CACNA2D3: variants seen among roughly 807,000 people sequenced by gnomAD.
CACNA2D3 encodes the protein voltage-dependent calcium channel subunit alpha-2/delta-3.
A neutral mutation model predicts 160.6 loss-of-function variants in CACNA2D3; 60 were observed. The ratio of observed to expected loss-of-function variants is 0.37; its 90% CI spans 0.30 to 0.46. CACNA2D3 has a LOEUF of 0.46. Ranked by LOEUF, CACNA2D3 falls within the 20% of genes least tolerant of loss-of-function variation. The probability of loss-of-function intolerance (pLI) is 1.00; values close to 1 mark genes in which losing one functional copy is unlikely to be tolerated. For synonymous variants in CACNA2D3, 558 were observed against 492.9 expected, an observed-to-expected ratio of 1.13 and a Z score of -1.75; for missense variants, 1,205 against 1,365.0, an observed-to-expected ratio of 0.88 and a Z score of 1.85.
At chr3:54,765,034 G>T (rs201767536) in intron 13 of CACNA2D3, among the ~76,000 whole-genome samples, 5 of 55,458 alleles carry the variant, frequency 9.0e-5, no homozygotes, top group Non-Finnish European at 2.3e-4. Context: ...TGGGAGTGGT[G>T]TTTTTCATTT....
chr3:54,240,482 T>C lies in CACNA2D3; in HGVS notation c.205-79960T>C, dbSNP rs147155810. The stretch of plus-strand genomic sequence containing the variant: ...ACAGAAGTTGCAGGATGATTTTCTT[T>C]GTGAGAGGCACCTACTCGGAATGCT... On this transcript the variant is annotated intron_variant, in intron 2 of 37. Transcript: ENST00000474759. Among the ~76,000 whole-genome samples the C allele has an allele frequency of 3.7e-3, 560 of 152,264 alleles. 7 individuals carry two copies. The highest frequency in any genetic ancestry group is 0.013 in the African/African-American group (534 of 41,570).
intron 4 of CACNA2D3, among the ~76,000 whole-genome samples, chr3:54,459,973 G>A (rs1700469163): frequency 6.6e-6 from 1 of 152,156 alleles, no homozygotes; most frequent in African/African-American, 2.4e-5. Context: ...AAGGGATCCA[G>A]TTTCAGCTTT....
chr3:54,809,285 CTCTT>C (rs138470217), intron 13 of CACNA2D3, among the ~76,000 whole-genome samples: 1,357 of 133,792 alleles, frequency 0.01, 27 homozygotes, highest in Non-Finnish European at 0.015. Context: ...TCTTTCTTCT[CTCTT>C]TCTTTCCTTC....
chr3:54,477,961 A>G (rs1040872842), intron 4 of CACNA2D3, among the ~76,000 whole-genome samples: 1 of 152,088 alleles, frequency 6.6e-6, no homozygotes, highest in Non-Finnish European at 1.5e-5. Flanking sequence ...CCCTCTGACA[A>G]CCTCAGGAGG....
chr3:54,421,273 T>G (rs773240693), intron 4 of CACNA2D3, among the ~76,000 whole-genome samples: 75 of 152,210 alleles, frequency 4.9e-4, no homozygotes, highest in Non-Finnish European at 9.3e-4. Context: ...CTTTGTTTGT[T>G]TATTGTTTTC....
intron 27 of CACNA2D3, among the ~76,000 whole-genome samples, chr3:54,953,910 G>T (rs1353095891): frequency 1.3e-5 from 2 of 152,290 alleles, no homozygotes; most frequent in Non-Finnish European, 1.5e-5. Flanking sequence ...ACCCCGTTTT[G>T]CTAAGTGCTC....
intron 35 of CACNA2D3, among the ~76,000 whole-genome samples, chr3:55,069,196 A>G (rs7622533): frequency 0.11 from 17,361 of 152,066 alleles, 1,782 homozygotes; most frequent in East Asian, 0.28. Context: ...TCCCTTTTTT[A>G]TAAAACCCAA....
At chr3:54,834,880 G>A (rs1480886252) in intron 14 of CACNA2D3, among the ~76,000 whole-genome samples, 1 of 152,214 alleles carries the variant, frequency 6.6e-6, no homozygotes, top group Non-Finnish European at 1.5e-5. Context: ...TTTGAAGACA[G>A]TCTACAGGCA....
At chr3:54,574,096 G>A (rs75408293) in intron 8 of CACNA2D3, among the ~76,000 whole-genome samples, 1 of 152,160 alleles carries the variant, frequency 6.6e-6, no homozygotes, top group Admixed American at 6.5e-5. Context: ...ATTTACGAAA[G>A]AGGACATTAT....
intron 5 of CACNA2D3, among the ~76,000 whole-genome samples, chr3:54,535,769 A>T (rs1201382019): frequency 6.6e-6 from 1 of 152,246 alleles, no homozygotes; most frequent in Non-Finnish European, 1.5e-5. Flanking sequence ...TGGAGTTCAC[A>T]TCAGGACATA....
chr3:54,678,720 C>CAAAAAAAAAA (rs71096434), intron 11 of CACNA2D3, among the ~76,000 whole-genome samples: 1,329 of 45,914 alleles, frequency 0.029, 359 homozygotes, highest in Middle Eastern at 0.053. Context: ...GACTCGGTCT[C>CAAAAAAAAAA]AAAAAAAAAA....
At chr3:54,470,316 A>G (rs1406656840) in intron 4 of CACNA2D3, among the ~76,000 whole-genome samples, 8 of 152,256 alleles carry the variant, frequency 5.3e-5, no homozygotes, top group Non-Finnish European at 5.9e-5. Context: ...CCAGAATTTC[A>G]TATCCAGCCA....
At position 54,122,947 on chromosome 3, in the gene CACNA2D3, G is replaced by C. The variant is rs1473283275; in HGVS notation, c.122+112G>C. The stretch of plus-strand genomic sequence containing the variant: ...CTGGGCAGGACCCGCCGCGGGCGTC[G>C]GCCTCGCCGCTCGCACCTGCCTTTC... On this transcript the variant is annotated intron_variant, in intron 1 of 37. Coordinates refer to ENST00000474759, the MANE Select transcript of CACNA2D3 (RefSeq NM_018398.3). 3 of 1,035,604 alleles carry C rather than the reference G, an allele frequency of 2.9e-6. No individual in the cohort carries two copies. In the African/African-American group the frequency reaches 5.0e-5, roughly 17 times the overall value. 64.2% of individuals were successfully genotyped at this position (1,035,604 alleles called of 1,614,324 possible).
chr3:54,990,082 A>G (rs566969854), intron 31 of CACNA2D3, among the ~76,000 whole-genome samples: 1 of 152,322 alleles, frequency 6.6e-6, no homozygotes, highest in African/African-American at 2.4e-5. Context: ...ACCCTCAAAC[A>G]TGGGTTACAT....
chr3:54,329,431 G>C (rs1008748537), intron 3 of CACNA2D3, among the ~76,000 whole-genome samples: 2 of 152,132 alleles, frequency 1.3e-5, no homozygotes, highest in African/African-American at 2.4e-5. Context: ...CCTGATAAAG[G>C]GGAAAAGAAA....
intron 2 of CACNA2D3, among the ~76,000 whole-genome samples, chr3:54,319,157 G>GACAC (rs58790730): frequency 0.098 from 13,579 of 138,798 alleles, 758 homozygotes; most frequent in Middle Eastern, 0.16. Context: ...AGCATTTTGT[G>GACAC]ACACACACAC....
At chr3:54,509,807 A>G (rs547307988) in intron 5 of CACNA2D3, among the ~76,000 whole-genome samples, 1 of 152,370 alleles carries the variant, frequency 6.6e-6, no homozygotes, top group South Asian at 2.1e-4. Flanking sequence ...ATTATATTTT[A>G]TATGGCAAAA....
chr3:54,162,635 G>A (rs1446025805), intron 2 of CACNA2D3, among the ~76,000 whole-genome samples: 1 of 152,128 alleles, frequency 6.6e-6, no homozygotes, highest in African/African-American at 2.4e-5. Flanking sequence ...AAACTAACAT[G>A]TAGAATGGGA....
At chr3:54,302,416 G>T (rs1703497961) in intron 2 of CACNA2D3, among the ~76,000 whole-genome samples, 1 of 152,172 alleles carries the variant, frequency 6.6e-6, no homozygotes, top group East Asian at 1.9e-4. Flanking sequence ...TTGGAAGGTG[G>T]TGTTTTTCAG....
Sources: allele counts gnomAD v4.1 joint callset (sites outside exome capture counted in the v4.1 genomes callset), GRCh38; gene constraint gnomAD v4.1.1; transcripts MANE v1.5; gene names NCBI Gene and HGNC (gene_info 2026-07-23, HGNC 2026-07-21).